MKLN1: variants seen among roughly 807,000 people sequenced by gnomAD.
MKLN1 encodes the protein muskelin 1, also known as muskelin.
A neutral mutation model predicts 99.0 loss-of-function variants in MKLN1; 18 were observed. The observed-to-expected ratio is 0.18, with a 90% CI of 0.13 to 0.27. The LOEUF (loss-of-function observed/expected upper bound fraction) is 0.27. MKLN1 is among the 10% of genes least tolerant of loss of function. The pLI is 1.00. For missense variants in MKLN1, 621 were observed against 875.9 expected, an observed-to-expected ratio of 0.71 and a Z score of 3.67; for synonymous variants, 288 against 293.2, an observed-to-expected ratio of 0.98 and a Z score of 0.18.
At chr7:131,288,370 G>C (rs1345273276) in intron 3 of MKLN1, among the ~76,000 whole-genome samples, 1 of 152,108 alleles carries the variant, frequency 6.6e-6, no homozygotes, top group Non-Finnish European at 1.5e-5. Context: ...ACTGCTACTC[G>C]ACCTTGGGTG....
chr7:131,206,703 G>A (rs1172491054), intron 3 of MKLN1, among the ~76,000 whole-genome samples: 1 of 151,950 alleles, frequency 6.6e-6, no homozygotes, highest in Non-Finnish European at 1.5e-5. Context: ...CTACAGGCGT[G>A]CGCCACCGTG....
At chr7:131,452,381 A>G (rs971187738) in intron 12 of MKLN1, among the ~76,000 whole-genome samples, 1 of 152,162 alleles carries the variant, frequency 6.6e-6, no homozygotes, top group Non-Finnish European at 1.5e-5. Context: ...ATGTGAGTTT[A>G]CATCTACAGA....
intron 1 of MKLN1, among the ~76,000 whole-genome samples, chr7:131,136,175 T>C (rs1209236505): frequency 1.3e-5 from 2 of 152,142 alleles, no homozygotes; most frequent in African/African-American, 4.8e-5. Flanking sequence ...TTTGAGAGAT[T>C]ATTTTCAAAC....
At chr7:131,480,020 C>CAAAAAAAA (rs1224471886) in intron 17 of MKLN1, among the ~76,000 whole-genome samples, 1 of 61,310 alleles carries the variant, frequency 1.6e-5, no homozygotes, top group Non-Finnish European at 3.8e-5. Flanking sequence ...GACTCCATCT[C>CAAAAAAAA]AAAAAAAAAA....
intron 1 of MKLN1, among the ~76,000 whole-genome samples, chr7:131,369,983 C>T (rs1187249037): frequency 1.3e-5 from 2 of 152,110 alleles, no homozygotes; most frequent in East Asian, 1.9e-4. Context: ...ATTACGGGCA[C>T]GTGCCACCAT....
intron 1 of MKLN1, among the ~76,000 whole-genome samples, chr7:131,334,768 A>G (rs879856702): frequency 3.3e-5 from 5 of 152,206 alleles, no homozygotes; most frequent in African/African-American, 4.8e-5. Context: ...GTCATTCAAA[A>G]ATCGTTTTTG....
chr7:131,162,967 G>A (rs1796076151), intron 2 of MKLN1, among the ~76,000 whole-genome samples: 1 of 152,180 alleles, frequency 6.6e-6, no homozygotes, highest in African/African-American at 2.4e-5. Flanking sequence ...CTATTGGACA[G>A]CACTGGTTCT....
chr7:131,467,541 G>A (rs1584773553), intron 15 of MKLN1, among the ~76,000 whole-genome samples: 1 of 152,144 alleles, frequency 6.6e-6, no homozygotes, highest in African/African-American at 2.4e-5. Flanking sequence ...GTGGGGTGGG[G>A]AGTGTTCTAG....
At chr7:131,396,322 C>T (rs1794359623) in intron 4 of MKLN1, among the ~76,000 whole-genome samples, 1 of 152,200 alleles carries the variant, frequency 6.6e-6, no homozygotes, top group Admixed American at 6.5e-5. Context: ...ATCCTCTTGC[C>T]ACGGCCTCCC....
chr7:131,271,316 A>G lies in MKLN1; in HGVS notation c.-179+68342A>G, dbSNP rs557416410. 5.3e-5 allele frequency among the ~76,000 whole-genome samples: 8 copies of G among 152,182 alleles called. No homozygotes were observed. The East Asian group carries it at 1.2e-3, about 22-fold the overall frequency. On this transcript the variant is annotated intron_variant, in intron 3 of 7. Coordinates refer to the MKLN1 transcript ENST00000416992. ...CGTTGAGGAAAGGCATGAGATGGCT[A>G]CTTAACAATCAAAGATTTGAGGCCT...
At chr7:131,175,152 GGATA>G (rs72387849) in intron 2 of MKLN1, among the ~76,000 whole-genome samples, 47,296 of 149,850 alleles carry the variant, frequency 0.32, 7,880 homozygotes, top group East Asian at 0.56. Flanking sequence ...ATGGGTGGAT[GGATA>G]GATAGATAGA....
chr7:131,287,176 G>GTA (rs1354607837), intron 3 of MKLN1, among the ~76,000 whole-genome samples: 14 of 152,308 alleles, frequency 9.2e-5, no homozygotes, highest in African/African-American at 2.9e-4. Flanking sequence ...AAGTGATCAG[G>GTA]TATATCCTCC....
intron 3 of MKLN1, among the ~76,000 whole-genome samples, chr7:131,245,420 A>G (rs1797471921): frequency 1.3e-5 from 2 of 152,002 alleles, no homozygotes; most frequent in South Asian, 4.2e-4. Flanking sequence ...GGTGCCCACA[A>G]CCACGCCCAG....
intron 15 of MKLN1, among the ~76,000 whole-genome samples, chr7:131,466,906 C>CATAT (rs1796676337): frequency 1.4e-5 from 2 of 144,862 alleles, no homozygotes; most frequent in Non-Finnish European, 3.0e-5. Context: ...TATACATATA[C>CATAT]ACACACACAC....
At chr7:131,383,681 A>G (rs1007984331) in intron 2 of MKLN1, among the ~76,000 whole-genome samples, 1 of 152,174 alleles carries the variant, frequency 6.6e-6, no homozygotes, top group African/African-American at 2.4e-5. Flanking sequence ...ACAGTAAATG[A>G]TATCACCACT....
At chr7:131,255,619 C>T (rs1797646377) in intron 3 of MKLN1, among the ~76,000 whole-genome samples, 1 of 152,080 alleles carries the variant, frequency 6.6e-6, no homozygotes. Flanking sequence ...CGCTCTGTTG[C>T]CCAGGCTGGA....
chr7:131,222,591 T>A (rs1344355166), intron 3 of MKLN1, among the ~76,000 whole-genome samples: 1 of 152,218 alleles, frequency 6.6e-6, no homozygotes, highest in Non-Finnish European at 1.5e-5. Flanking sequence ...AACTTCTGTG[T>A]GCCTCCTGGT....
intron 1 of MKLN1, among the ~76,000 whole-genome samples, chr7:131,331,445 G>A (rs918956667): frequency 1.3e-5 from 2 of 152,170 alleles, no homozygotes; most frequent in African/African-American, 4.8e-5. Context: ...GCTAGGAAAA[G>A]TGAGATTTAG....
chr7:131,304,401 A>G (rs564559772), intron 3 of MKLN1, among the ~76,000 whole-genome samples: 3 of 152,146 alleles, frequency 2.0e-5, no homozygotes, highest in African/African-American at 7.2e-5. Flanking sequence ...AAAAAATTAC[A>G]TTTGGAAAGT....
Sources: gnomAD v4.1 joint callset for allele counts (sites outside exome capture counted in the v4.1 genomes callset) on GRCh38, gnomAD v4.1.1 for gene constraint, MANE v1.5 for transcripts, NCBI Gene and HGNC (gene_info 2026-07-23, HGNC 2026-07-21) for gene names.